Variants in LECT2 observed in about 807,000 individuals in gnomAD.
LECT2 encodes leukocyte cell derived chemotaxin 2, also known as leukocyte cell-derived chemotaxin-2.
In LECT2, 11 loss-of-function variants were observed where a neutral mutation model predicts 16.6. The observed-to-expected ratio is 0.66, with a 90% CI of 0.42 to 1.09. The LOEUF (loss-of-function observed/expected upper bound fraction) is 1.09, where lower values mean the gene tolerates loss of function less well. Ranked by LOEUF, LECT2 falls within the 50% of genes least tolerant of loss-of-function variation. The pLI, the probability that LECT2 is intolerant of heterozygous loss-of-function variation, is 0.00. For synonymous variants in LECT2, 54 were observed against 64.8 expected, an observed-to-expected ratio of 0.83 and a Z score of 0.80; for missense variants, 173 against 184.2, an observed-to-expected ratio of 0.94 and a Z score of 0.35.
At chr5:135,948,621 GT>G (rs148778487) in intron 3 of LECT2, among the ~76,000 whole-genome samples, 35 of 150,514 alleles carry the variant, frequency 2.3e-4, no homozygotes, top group African/African-American at 7.8e-4. Context: ...AAAATACCAT[GT>G]TTTTTTACTT....
intron 2 of LECT2, 90 bp from the exon 3 acceptor site, chr5:135,951,458 A>G: frequency 8.1e-7 from 1 of 1,241,860 alleles, no homozygotes; most frequent in Admixed American, 2.1e-5. Context: ...CTGTTTGCAG[A>G]CGAGGTACCA....
intron 1 of LECT2, among the ~76,000 whole-genome samples, chr5:135,954,166 C>A (rs901463624): frequency 1.3e-5 from 2 of 152,198 alleles, no homozygotes; most frequent in Non-Finnish European, 2.9e-5. Context: ...TCATTAATAC[C>A]TATCCTGTGA....
intron 2 of LECT2, among the ~76,000 whole-genome samples, chr5:135,952,277 C>T (rs1037615358): frequency 1.3e-5 from 2 of 152,226 alleles, no homozygotes; most frequent in East Asian, 1.9e-4. Context: ...TGACTGGACA[C>T]ATGGCTATTT....
At chr5:135,950,916 G>A in intron 3 of LECT2, 1 of 411,278 alleles carries the variant, frequency 2.4e-6, no homozygotes, top group Non-Finnish European at 4.3e-6. Flanking sequence ...GCCTCAGCTG[G>A]GAGAGGATCA....
At chr5:135,951,745 A>T (rs763040441) in intron 2 of LECT2, among the ~76,000 whole-genome samples, 2 of 152,154 alleles carry the variant, frequency 1.3e-5, no homozygotes, top group Admixed American at 6.5e-5. Flanking sequence ...TTTTATGGGA[A>T]CCTATCATAA....
In LECT2 at chr5:135,950,804, A is replaced by C. The variant is rs200219392; in HGVS notation, c.289+419T>G. 10 of 214,344 alleles carry C rather than the reference A, an allele frequency of 4.7e-5. No homozygotes were observed. In the East Asian group the frequency reaches 7.1e-4, roughly 15 times the overall value. The allele number at this position is 214,344 out of a possible 1,614,324, so 13.3% of individuals were successfully genotyped here. A position where few individuals can be genotyped will look rare whatever the true frequency, so the allele number is the denominator to read the frequency against. ...TTTATAGATTGTTAAGCAAAACCAC[A>C]TGGGCCACAGGAAGGAATGCCTCCA... On this transcript the variant is annotated intron_variant, in intron 3 of 3. Transcript: ENST00000274507.
intron 3 of LECT2, among the ~76,000 whole-genome samples, chr5:135,950,289 G>A (rs1763771566): frequency 6.6e-6 from 1 of 152,208 alleles, no homozygotes; most frequent in African/African-American, 2.4e-5. Flanking sequence ...AAAGAACGTG[G>A]ATACAAAAAC....
intron 2 of LECT2, among the ~76,000 whole-genome samples, chr5:135,951,996 C>A (rs1286911948): frequency 6.6e-6 from 1 of 152,184 alleles, no homozygotes; most frequent in Non-Finnish European, 1.5e-5. Flanking sequence ...CCTCCCCTAC[C>A]TTCTAATAGG....
intron 3 of LECT2, 51 bp from the exon 4 acceptor site, chr5:135,947,548 C>T (rs1343816494): frequency 7.1e-7 from 1 of 1,417,496 alleles, no homozygotes; most frequent in African/African-American, 1.4e-5. Flanking sequence ...AATCTTGAAT[C>T]TGAAATTAAA....
chr5:135,947,432 T>C lies in LECT2; in HGVS notation c.355A>G (p.Lys119Glu), dbSNP rs888504232. The change falls in exon 4 of 4, where the codon AAA (lysine) becomes GAA (glutamate). Residue 119 changes from lysine to glutamate, a missense_variant. By Grantham distance (56) the Lys-to-Glu change is moderately conservative. Transcript: ENST00000274507. ...TGCAAGGGCAATAGAGTTCCAAGTT[T>C]TTCTCCCTTCTTAATAGGACCTTTA... Reference protein sequence around the residue: ...KYKGPIKKGEKLGTLLPLQKV... With the variant: ...KYKGPIKKGEELGTLLPLQKV... 6.2e-7 allele frequency: 1 copy of C among 1,614,082 alleles called. No homozygotes were observed. Among genetic ancestry groups the C allele is most frequent in the African/African-American group, 1.3e-5 (1 of 75,062 alleles).
chr5:135,952,596 G>T (rs1057471572), intron 2 of LECT2, among the ~76,000 whole-genome samples: 1 of 152,188 alleles, frequency 6.6e-6, no homozygotes, highest in Non-Finnish European at 1.5e-5. Context: ...GAAAAAAACA[G>T]TTGAGATAAG....
At chr5:135,951,528 A>C in intron 2 of LECT2, 160 bp from the exon 3 acceptor site, 1 of 566,164 alleles carries the variant, frequency 1.8e-6, no homozygotes, top group Non-Finnish European at 3.0e-6. Flanking sequence ...TGTTTAGCCC[A>C]ATTTTAACCT....
chr5:135,951,543 C>G lies in LECT2; in HGVS notation c.144-175G>C, dbSNP rs937028702. ...TGTTTAGCCCAATTTTAACCTCCCT[C>G]CCCGCAGGTGCTAATAACCATATCA... On this transcript the variant is annotated intron_variant, in intron 2 of 3. Coordinates refer to ENST00000274507, the MANE Select transcript of LECT2 (RefSeq NM_002302.3). 16 of 530,842 alleles carry G rather than the reference C, an allele frequency of 3.0e-5. No homozygotes were observed. The South Asian group carries it at 5.2e-4, about 17-fold the overall frequency. The allele number at this position is 530,842 out of a possible 1,614,324, so 32.9% of individuals were successfully genotyped here.
chr5:135,954,733 C>T, intron 1 of LECT2, 55 bp downstream of exon 1: 1 of 1,279,160 alleles, frequency 7.8e-7, no homozygotes, highest in Admixed American at 1.7e-5. Flanking sequence ...TAGTCTTCCC[C>T]TGAAATCAGT....
rs1358106274 is a variant in LECT2, at chr5:135,947,468, G to A, written c.319C>T (p.Pro107Ser). The A allele has an allele frequency of 6.2e-7, 1 of 1,612,482 alleles. No individual in the cohort carries two copies. The highest frequency in any genetic ancestry group is 1.1e-5 in the South Asian group (1 of 90,754). The change falls in exon 4 of 4, where the codon CCA becomes TCA. Residue 107 changes from proline to serine, a missense_variant. Transcript: ENST00000274507. The stretch of plus-strand genomic sequence containing the variant: ...TTAATAGGACCTTTATACTTAATTG[G>A]CTTAATGTAGAACATTTTGACACAA... ...GFCVKMFYIKPIKYKGPIKKG... is the reference protein window; with the variant it reads ...GFCVKMFYIKSIKYKGPIKKG...
chr5:135,949,848 G>A (rs758972487), intron 3 of LECT2, among the ~76,000 whole-genome samples: 2 of 152,170 alleles, frequency 1.3e-5, no homozygotes, highest in Non-Finnish European at 2.9e-5. Context: ...GGCTTTAGTT[G>A]GCTGCTCATC....
intron 1 of LECT2, among the ~76,000 whole-genome samples, chr5:135,954,543 T>G (rs1763834625): frequency 6.6e-6 from 1 of 152,224 alleles, no homozygotes; most frequent in Non-Finnish European, 1.5e-5. Context: ...AGACTCAGAC[T>G]GAAAGGCTTT....
intron 3 of LECT2, among the ~76,000 whole-genome samples, chr5:135,948,824 G>A (rs1288048524): frequency 1.3e-5 from 2 of 151,754 alleles, no homozygotes; most frequent in Non-Finnish European, 2.9e-5. Context: ...ACAGGCGCCC[G>A]CCACCACATC....
chr5:135,949,772 G>T (rs563341339), intron 3 of LECT2, among the ~76,000 whole-genome samples: 1 of 152,332 alleles, frequency 6.6e-6, no homozygotes, highest in East Asian at 1.9e-4. Flanking sequence ...ACCCATTATT[G>T]TGATGACTGA....
Sources: gnomAD v4.1 joint callset for allele counts (sites outside exome capture counted in the v4.1 genomes callset) on GRCh38, gnomAD v4.1.1 for gene constraint, MANE v1.5 for transcripts, NCBI Gene and HGNC (gene_info 2026-07-23, HGNC 2026-07-21) for gene names.